Variants in ARID5B observed in about 807,000 individuals in gnomAD.
ARID5B encodes the protein AT-rich interaction domain 5B, also known as AT-rich interactive domain-containing protein 5B.
A neutral mutation model predicts 97.2 loss-of-function variants in ARID5B; 13 were observed. The ratio of observed to expected loss-of-function variants is 0.13; its 90% CI spans 0.09 to 0.21. ARID5B has a LOEUF of 0.21. Among genes scored for constraint, ARID5B ranks in the 10% least tolerant of loss-of-function variants. ARID5B has a pLI of 1.00. For missense variants in ARID5B, 1,210 were observed against 1,465.3 expected (o/e 0.83, Z 2.84); for synonymous variants, 556 against 570.3 (o/e 0.97, Z 0.36).
chr10:61,956,667 C>T (rs1037558984), intron 3 of ARID5B, among the ~76,000 whole-genome samples: 1 of 152,322 alleles, frequency 6.6e-6, no homozygotes, highest in Non-Finnish European at 1.5e-5. Flanking sequence ...AGTTCCTTCA[C>T]CTTTCTGGTG....
intron 3 of ARID5B, among the ~76,000 whole-genome samples, chr10:61,999,303 A>C (rs976149137): frequency 6.6e-6 from 1 of 152,206 alleles, no homozygotes; most frequent in Non-Finnish European, 1.5e-5. Flanking sequence ...TTGACTTTCT[A>C]TGGGGTTACA....
At chr10:61,908,917 T>G (rs983150476) in intron 2 of ARID5B, among the ~76,000 whole-genome samples, 3 of 152,118 alleles carry the variant, frequency 2.0e-5, no homozygotes, top group Non-Finnish European at 4.4e-5. Flanking sequence ...TCTTTCCATC[T>G]GTGTTCCTTA....
chr10:62,015,584 C>G (rs1238084812), intron 4 of ARID5B, among the ~76,000 whole-genome samples: 1 of 152,110 alleles, frequency 6.6e-6, no homozygotes, highest in Non-Finnish European at 1.5e-5. Context: ...CCTGCGTAGT[C>G]TTTGCTTTTC....
intron 3 of ARID5B, among the ~76,000 whole-genome samples, chr10:61,998,863 A>G (rs761653316): frequency 6.6e-6 from 1 of 152,170 alleles, no homozygotes; most frequent in Non-Finnish European, 1.5e-5. Context: ...CCCCCAAATC[A>G]CCACTGCTTT....
At chr10:62,057,591 T>A (rs1839873076) in intron 6 of ARID5B, among the ~76,000 whole-genome samples, 1 of 152,180 alleles carries the variant, frequency 6.6e-6, no homozygotes, top group Admixed American at 6.5e-5. Context: ...TCTCATTTGC[T>A]GTTTTGTCAA....
intron 2 of ARID5B, among the ~76,000 whole-genome samples, chr10:61,906,560 A>G (rs1843711465): frequency 1.3e-5 from 2 of 152,186 alleles, no homozygotes; most frequent in African/African-American, 2.4e-5. Flanking sequence ...TTTGCTGGTC[A>G]CCTCCAACTG....
intron 2 of ARID5B, among the ~76,000 whole-genome samples, chr10:61,907,416 A>G (rs1843725481): frequency 6.6e-6 from 1 of 151,316 alleles, no homozygotes. Flanking sequence ...CACTGGCCTT[A>G]GACAATTGTT....
Position 62,085,706 on chromosome 10 carries a change from A to G in ARID5B, c.1204A>G (p.Ile402Val). The G allele has an allele frequency of 6.2e-7, 1 of 1,605,684 alleles. No homozygotes were observed. Among genetic ancestry groups the G allele is most frequent in the Non-Finnish European group, 8.5e-7 (1 of 1,177,582 alleles). Residue 402 changes from isoleucine (I) to valine (V), a missense_variant, in exon 9 of 10, where the codon ATC (isoleucine) becomes GTC (valine). Around this residue, in one of 8 missense-constraint regions of ARID5B, gnomAD observed 59 missense variants for 156.7 expected, o/e 0.38. Transcript: ENST00000279873. ...TCTRRHYERL[I>V]LPYERFIKGE... ...TCTCTTCTGTTAACCTTTTAGATTA[A>G]TCCTACCATATGAAAGATTTATTAA...
chr10:61,948,380 A>ATTTGTTTTT (rs1838271370), intron 3 of ARID5B, among the ~76,000 whole-genome samples: 1 of 86,222 alleles, frequency 1.2e-5, no homozygotes, highest in Non-Finnish European at 2.2e-5. Context: ...ACTTTAGGTA[A>ATTTGTTTTT]TTTTTTTTTT....
chr10:61,987,189 G>T (rs1838858750), intron 3 of ARID5B, among the ~76,000 whole-genome samples: 3 of 152,148 alleles, frequency 2.0e-5, no homozygotes, highest in Admixed American at 2.0e-4. Flanking sequence ...ACAAGCAGAA[G>T]CCAGCCAGCC....
chr10:62,070,748 G>T (rs1289534175), intron 8 of ARID5B, among the ~76,000 whole-genome samples: 1 of 152,188 alleles, frequency 6.6e-6, no homozygotes, highest in African/African-American at 2.4e-5. Context: ...GCCTTACTTG[G>T]CAGGGTTGTA....
At chr10:62,028,046 G>A (rs1241567481) in intron 4 of ARID5B, among the ~76,000 whole-genome samples, 1 of 152,204 alleles carries the variant, frequency 6.6e-6, no homozygotes, top group Non-Finnish European at 1.5e-5. Context: ...TTGAAGGGAT[G>A]GATGAGTTAA....
At chr10:61,925,037 C>T (rs1481348192) in intron 2 of ARID5B, among the ~76,000 whole-genome samples, 5 of 151,700 alleles carry the variant, frequency 3.3e-5, no homozygotes, top group Admixed American at 1.3e-4. Flanking sequence ...AAACCCTGTT[C>T]CTACTGAAAA....
chr10:62,068,674 A>G (rs1308812492), intron 7 of ARID5B, among the ~76,000 whole-genome samples: 1 of 151,980 alleles, frequency 6.6e-6, no homozygotes, highest in African/African-American at 2.4e-5. Context: ...TCCCCTACAC[A>G]TTCAAATAAC....
rs1438102292 is a variant in ARID5B at position 62,092,390 on chromosome 10, G to C, written c.2927G>C (p.Gly976Ala). Residue 976 changes from glycine (G) to alanine (A), a missense_variant, in exon 10 of 10, where the codon GGA becomes GCA. Coordinates refer to ENST00000279873, the MANE Select transcript of ARID5B (RefSeq NM_032199.3). The stretch of plus-strand genomic sequence containing the variant: ...TACCCTGAATCGCTTTCAAGATCAG[G>C]AAAACCTCACCATGTGAGACTGGAG... ...KKYPESLSRS[G>A]KPHHVRLENF... The C allele has an allele frequency of 6.2e-7, 1 of 1,614,096 alleles. No homozygotes were observed. The highest frequency in any genetic ancestry group is 8.5e-7 in the Non-Finnish European group (1 of 1,180,040).
chr10:61,905,347 T>C (rs1843691713), intron 2 of ARID5B, among the ~76,000 whole-genome samples: 1 of 152,182 alleles, frequency 6.6e-6, no homozygotes, highest in African/African-American at 2.4e-5. Context: ...TTTTATGATT[T>C]CTTGAAATGT....
At chr10:62,004,915 G>A (rs1028812235) in intron 4 of ARID5B, among the ~76,000 whole-genome samples, 1 of 152,196 alleles carries the variant, frequency 6.6e-6, no homozygotes, top group African/African-American at 2.4e-5. Context: ...ATATATAAAT[G>A]AGATGAAATC....
intron 4 of ARID5B, among the ~76,000 whole-genome samples, chr10:62,024,056 T>C (rs60510608): frequency 0.063 from 9,527 of 152,288 alleles, 538 homozygotes; most frequent in Admixed American, 0.19. Flanking sequence ...ATGATAATCC[T>C]CTCAGCACAG....
chr10:61,951,664 GACAA>G (rs376853715), intron 3 of ARID5B, among the ~76,000 whole-genome samples: 5 of 152,098 alleles, frequency 3.3e-5, no homozygotes, highest in Admixed American at 1.3e-4. Flanking sequence ...AGGCACTACT[GACAA>G]ACAAAAAGCA....
Sources: gnomAD v4.1 joint callset for allele counts (sites outside exome capture counted in the v4.1 genomes callset) on GRCh38, gnomAD v4.1.1 for gene constraint, gnomAD v4.1.1 regional missense constraint, MANE v1.5 for transcripts, NCBI Gene and HGNC (gene_info 2026-07-23, HGNC 2026-07-21) for gene names.